ZNF280C: variants seen among roughly 807,000 people sequenced by gnomAD.
The protein encoded by ZNF280C is suppressor of hairy wing homolog 3.
ZNF280C carries 14 observed loss-of-function variants against 53.6 expected under a neutral mutation model. The observed-to-expected ratio is 0.26, with a 90% CI of 0.17 to 0.41. ZNF280C has a LOEUF of 0.41. Among genes scored for constraint, ZNF280C ranks in the 10% least tolerant of loss-of-function variants. ZNF280C has a pLI of 1.00. For synonymous variants in ZNF280C, 203 were observed against 181.1 expected (o/e 1.12, Z -0.97); for missense variants, 416 against 547.1 (o/e 0.76, Z 2.39).
chrX:130,212,971 C>T (rs1277828326), intron 15 of ZNF280C, among the ~76,000 whole-genome samples: 1 of 111,635 alleles, frequency 9.0e-6, no homozygotes, highest in Admixed American at 9.5e-5. Flanking sequence ...TTGAGAAAAA[C>T]GAAAAGTATG....
At chrX:130,237,995 T>A (rs946027267) in intron 6 of ZNF280C, among the ~76,000 whole-genome samples, 8 of 111,295 alleles carry the variant, frequency 7.2e-5, no homozygotes, top group Non-Finnish European at 1.1e-4. Context: ...CTCAATAGTT[T>A]TAAATTCTGA....
rs779346475 is a variant in ZNF280C, at chrX:130,236,511, C to A, written c.622G>T (p.Gly208Cys). 1.7e-6 allele frequency: 2 copies of A among 1,205,722 alleles called. No individual in the cohort carries two copies. Among genetic ancestry groups the A allele is most frequent in the South Asian group, 3.6e-5 (2 of 55,717 alleles). The change falls in exon 7 of 19, where the codon GGC (glycine) becomes TGC (cysteine). Residue 208 changes from glycine (G) to cysteine (C), a missense_variant. Transcript: ENST00000370978. ...TGGGAGGATGTCACTGGAGGAGAGCCAATTAAAGGCAATGAAGTGGAGGGA... is the reference window on the plus strand; with the variant it reads ...TGGGAGGATGTCACTGGAGGAGAGCAAATTAAAGGCAATGAAGTGGAGGGA... ...INPSTSLPLI[G>C]SPPVTSSQVM...
At chrX:130,248,461 G>C (rs1235043367) in intron 2 of ZNF280C, among the ~76,000 whole-genome samples, 2 of 111,203 alleles carry the variant, frequency 1.8e-5, no homozygotes, top group Non-Finnish European at 3.8e-5. Context: ...GGCAGCACAC[G>C]AGCCAGAGTG....
chrX:130,223,223 A>AT (rs1475113583), intron 12 of ZNF280C, among the ~76,000 whole-genome samples: 1 of 109,975 alleles, frequency 9.1e-6, no homozygotes, highest in Admixed American at 9.7e-5. Context: ...CACCCAGCTA[A>AT]TTTTTTTTAT....
intron 6 of ZNF280C, among the ~76,000 whole-genome samples, chrX:130,237,807 G>A (rs1253615559): frequency 9.0e-6 from 1 of 111,493 alleles, no homozygotes; most frequent in Non-Finnish European, 1.9e-5. Flanking sequence ...AGGCACCTAA[G>A]ACTAATTTTT....
intron 5 of ZNF280C, among the ~76,000 whole-genome samples, chrX:130,243,002 T>TA (rs1191767111): frequency 1.8e-5 from 2 of 111,753 alleles, no homozygotes; most frequent in African/African-American, 6.5e-5. Flanking sequence ...CACTCATATT[T>TA]AGATAGTATA....
At chrX:130,217,298 A>G (rs1165312093) in intron 13 of ZNF280C, among the ~76,000 whole-genome samples, 3 of 112,215 alleles carry the variant, frequency 2.7e-5, no homozygotes, top group African/African-American at 9.7e-5. Context: ...ATGGTACAAT[A>G]TCAATGAACC....
intron 1 of ZNF280C, among the ~76,000 whole-genome samples, chrX:130,261,485 G>T (rs887534124): frequency 8.9e-6 from 1 of 111,977 alleles, no homozygotes; most frequent in African/African-American, 3.2e-5. Flanking sequence ...TTATTTGGAC[G>T]GAATTAGAGC....
intron 1 of ZNF280C, among the ~76,000 whole-genome samples, chrX:130,267,539 C>G (rs950899076): frequency 1.8e-5 from 2 of 111,527 alleles, no homozygotes; most frequent in African/African-American, 6.5e-5. Context: ...ACAGTTCTAA[C>G]GACACCCTAC....
At chrX:130,213,788 G>T in intron 15 of ZNF280C, among the ~76,000 whole-genome samples, 1 of 111,738 alleles carries the variant, frequency 8.9e-6, no homozygotes, top group Admixed American at 9.5e-5. Flanking sequence ...CACTAAAGAA[G>T]TAAAGGTATC....
At position 130,209,670 on chromosome X, in the gene ZNF280C, C is replaced by T. The variant is rs1462989341; in HGVS notation, c.2025G>A (p.Lys675=). 8.3e-7 allele frequency: 1 copy of T among 1,204,178 alleles called. No individual in the cohort carries two copies. The highest frequency in any genetic ancestry group is 1.1e-6 in the Non-Finnish European group (1 of 891,804). The part of the protein sequence containing the change: ...HPGKRFCIFK[K]HSGTLRGITL... ...ATGATTACCTGAGAGTTCCTGAATG[C>T]TTCTTGAAAATACAAAACCGTTTAC... Residue 675 remains lysine (K), a synonymous_variant, in exon 16 of 19, where the codon AAG becomes AAA. Transcript: ENST00000370978.
chrX:130,255,141 CTTT>C (rs754125713), intron 2 of ZNF280C, among the ~76,000 whole-genome samples: 1 of 91,185 alleles, frequency 1.1e-5, no homozygotes. Flanking sequence ...CTTTTTTTTT[CTTT>C]TTTTTTTTTT....
intron 2 of ZNF280C, among the ~76,000 whole-genome samples, chrX:130,254,767 G>C (rs889593471): frequency 9.0e-5 from 10 of 110,853 alleles, no homozygotes; most frequent in African/African-American, 3.0e-4. Flanking sequence ...TGAGGGTGGA[G>C]GGTGGGAGGA....
intron 12 of ZNF280C, among the ~76,000 whole-genome samples, chrX:130,224,191 G>A (rs990544380): frequency 9.0e-6 from 1 of 111,581 alleles, no homozygotes; most frequent in Non-Finnish European, 1.9e-5. Context: ...TGGGATTAGT[G>A]TCCTTATAAA....
At chrX:130,245,073 T>G (rs209216) in intron 3 of ZNF280C, among the ~76,000 whole-genome samples, 58,286 of 110,432 alleles carry the variant, frequency 0.53, 12,616 homozygotes, top group African/African-American at 0.83. Flanking sequence ...CTTCATTGTT[T>G]TTCTATATAA....
At chrX:130,234,256 G>A (rs1170399965) in intron 8 of ZNF280C, among the ~76,000 whole-genome samples, 2 of 112,056 alleles carry the variant, frequency 1.8e-5, no homozygotes, top group Admixed American at 9.5e-5. Context: ...CAAGGGTTGT[G>A]AGCCTGATAT....
At chrX:130,266,607 T>C (rs1333574990) in intron 1 of ZNF280C, among the ~76,000 whole-genome samples, 7 of 109,928 alleles carry the variant, frequency 6.4e-5, no homozygotes, top group East Asian at 2.8e-4. Flanking sequence ...CGCACAATTA[T>C]CATTTGCCAA....
intron 15 of ZNF280C, among the ~76,000 whole-genome samples, chrX:130,213,255 C>T (rs2124697738): frequency 8.9e-6 from 1 of 111,814 alleles, no homozygotes; most frequent in African/African-American, 3.2e-5. Flanking sequence ...TGCCTGTAGT[C>T]CCAGCTGCTG....
At chrX:130,253,280 G>A (rs1365572301) in intron 2 of ZNF280C, among the ~76,000 whole-genome samples, 1 of 112,345 alleles carries the variant, frequency 8.9e-6, no homozygotes, top group Non-Finnish European at 1.9e-5. Flanking sequence ...ACAAACACAT[G>A]GAAAAACATT....
Sources: gnomAD v4.1 joint callset for allele counts (sites outside exome capture counted in the v4.1 genomes callset) on GRCh38, gnomAD v4.1.1 for gene constraint, MANE v1.5 for transcripts, NCBI Gene and HGNC (gene_info 2026-07-23, HGNC 2026-07-21) for gene names.